The following NPHP1 variants were observed in gnomAD, a reference collection of about 807,000 sequenced individuals.
NPHP1 encodes the protein nephrocystin 1.
A neutral mutation model predicts 90.4 loss-of-function variants in NPHP1; 70 were observed. The ratio of observed to expected loss-of-function variants is 0.77; its 90% CI spans 0.64 to 0.95. The LOEUF is 0.95. Among genes scored for constraint, NPHP1 ranks in the 40% least tolerant of loss-of-function variants. NPHP1 has a pLI of 0.00. For synonymous variants in NPHP1, 256 were observed against 271.7 expected, an observed-to-expected ratio of 0.94 and a Z score of 0.57; for missense variants, 764 against 795.9, an observed-to-expected ratio of 0.96 and a Z score of 0.48.
In NPHP1 at chr2:110,196,386, C is replaced by CA. The variant is rs530839649; in HGVS notation, c.143+5034dup. Among the ~76,000 whole-genome samples, 127 of 152,120 alleles carry CA rather than the reference C, an allele frequency of 8.3e-4. 1 individual carries two copies. In the East Asian group the frequency reaches 0.014, roughly 17 times the overall value. ...TCTCAAAAGAAGACATTTATGCAGC[C>CA]AAAAAACACATGAAAAAATGCTCAT... On this transcript the variant is annotated intron_variant, in intron 2 of 19. Coordinates refer to ENST00000445609, the MANE Select transcript of NPHP1 (RefSeq NM_001128178.3).
chr2:110,176,171 C>A (rs1336963471), intron 4 of NPHP1, among the ~76,000 whole-genome samples: 2 of 152,090 alleles, frequency 1.3e-5, no homozygotes, highest in Non-Finnish European at 1.5e-5. Flanking sequence ...CTCACATCTC[C>A]GAGCTACTGA....
At chr2:110,150,513 A>G (rs1417112859) in intron 11 of NPHP1, among the ~76,000 whole-genome samples, 2 of 152,168 alleles carry the variant, frequency 1.3e-5, no homozygotes, top group East Asian at 3.9e-4. Flanking sequence ...TAGGTTTGCC[A>G]GAAAAGTAAT....
Position 110,177,484 on chromosome 2 carries a change from T to G in NPHP1, c.329+939A>C, listed in dbSNP as rs537907481. On this transcript the variant is annotated intron_variant, in intron 4 of 19. Coordinates refer to ENST00000445609, the MANE Select transcript of NPHP1 (RefSeq NM_001128178.3). ...TCCGAAATACTCCTAAATCTGAAAC[T>G]TTTGGAGCATCAAAATAACACTCCA... Among the ~76,000 whole-genome samples the G allele has an allele frequency of 7.2e-5, 11 of 152,248 alleles. No homozygotes were observed. In the South Asian group the frequency reaches 2.3e-3, roughly 32 times the overall value.
chr2:110,202,492 G>A (rs1368838185), intron 1 of NPHP1: 1 of 452,142 alleles, frequency 2.2e-6, no homozygotes, highest in Non-Finnish European at 4.5e-6. Context: ...GTGAAGACAG[G>A]GAAGAATTAG....
intron 10 of NPHP1, among the ~76,000 whole-genome samples, chr2:110,160,531 T>C (rs1005362089): frequency 6.6e-6 from 1 of 152,194 alleles, no homozygotes; most frequent in East Asian, 1.9e-4. Context: ...AAAATGTATA[T>C]GATCTATGAC....
rs1471016826 is a variant in NPHP1 at position 110,194,477 on chromosome 2, T to C, written c.143+6944A>G. Among the ~76,000 whole-genome samples, 3 of 152,116 alleles carry C rather than the reference T, an allele frequency of 2.0e-5. 1 individual carries two copies. Among genetic ancestry groups the C allele is most frequent in the South Asian group, 4.1e-4 (2 of 4,824 alleles). Reference sequence around the variant, plus strand: ...ACCAGGAAGAAGCTGAATCTCTGAATAGACCAATAACAGGCTCTGAAATTG... The same window carrying C: ...ACCAGGAAGAAGCTGAATCTCTGAACAGACCAATAACAGGCTCTGAAATTG... On this transcript the variant is annotated intron_variant, in intron 2 of 19. Coordinates refer to ENST00000445609, the MANE Select transcript of NPHP1 (RefSeq NM_001128178.3).
chr2:110,129,612 T>C (rs1290286169), intron 17 of NPHP1, among the ~76,000 whole-genome samples: 1 of 152,196 alleles, frequency 6.6e-6, no homozygotes, highest in Admixed American at 6.5e-5. Context: ...GAGGTAGCCC[T>C]GCTCTTGGGA....
chr2:110,145,727 G>C (rs1211545080), intron 14 of NPHP1, among the ~76,000 whole-genome samples: 1 of 152,080 alleles, frequency 6.6e-6, no homozygotes, highest in Admixed American at 6.5e-5. Context: ...AAATAGCTGT[G>C]ACTTCACTTT....
chr2:110,183,865 C>A (rs907477857), intron 2 of NPHP1, among the ~76,000 whole-genome samples: 1 of 152,116 alleles, frequency 6.6e-6, no homozygotes, highest in East Asian at 1.9e-4. Context: ...CTACTCATCA[C>A]CACAAGGCAC....
chr2:110,186,913 C>T (rs1684320464), intron 2 of NPHP1, among the ~76,000 whole-genome samples: 1 of 151,912 alleles, frequency 6.6e-6, no homozygotes, highest in Admixed American at 6.6e-5. Context: ...ACCACCTGTC[C>T]CTGAATGACT....
In NPHP1 at chr2:110,125,037, T is replaced by C. The variant is rs997065371; in HGVS notation, c.1761+600A>G. On this transcript the variant is annotated intron_variant, in intron 19 of 19. Transcript: ENST00000445609. Reference sequence around the variant, plus strand: ...ATAGGAAAACAGTCACATTTGGTCATTTACATATTGTCTGTGGCTGCTTTT... The same window carrying C: ...ATAGGAAAACAGTCACATTTGGTCACTTACATATTGTCTGTGGCTGCTTTT... 5 of 589,352 alleles carry C rather than the reference T, an allele frequency of 8.5e-6. No homozygotes were observed. The African/African-American group carries it at 9.5e-5, about 11-fold the overall frequency. 36.5% of individuals were successfully genotyped at this position (589,352 alleles called of 1,614,324 possible). A position where few individuals can be genotyped will look rare whatever the true frequency, so the allele number is the denominator to read the frequency against.
rs1682581675 is a variant in NPHP1 at position 110,164,586 on chromosome 2, T to A, written c.771+102A>T. 1.9e-6 allele frequency: 3 copies of A among 1,606,552 alleles called. No homozygotes were observed. The highest frequency in any genetic ancestry group is 2.6e-6 in the Non-Finnish European group (3 of 1,173,098). On this transcript the variant is annotated intron_variant, in intron 8 of 19. Coordinates refer to ENST00000445609, the MANE Select transcript of NPHP1 (RefSeq NM_001128178.3). ...TCTGTACATTCCATGCCCTGAACCC[T>A]GTTTCAGATCCATTGGTGTCTTCCA...
chr2:110,136,579 A>AG (rs1680219880), intron 16 of NPHP1, among the ~76,000 whole-genome samples: 1 of 152,022 alleles, frequency 6.6e-6, no homozygotes, highest in Non-Finnish European at 1.5e-5. Context: ...CACAATTGCT[A>AG]CAAAGAGAAT....
rs570642300 is a variant in NPHP1, at chr2:110,184,358, T to C, written c.144-4674A>G. The C allele has an allele frequency of 5.5e-5, 34 of 612,802 alleles. No individual in the cohort carries two copies. The East Asian group carries it at 8.7e-4, about 16-fold the overall frequency. The allele number at this position is 612,802 out of a possible 1,614,324, so 38.0% of individuals were successfully genotyped here. ...TCTATTCTAAGGACCAGCTGCAGACTTTCTCAGAGGAGCATCTCGTGCTCC... is the reference window on the plus strand; with the variant it reads ...TCTATTCTAAGGACCAGCTGCAGACCTTCTCAGAGGAGCATCTCGTGCTCC... On this transcript the variant is annotated intron_variant, in intron 2 of 19. Transcript: ENST00000445609.
intron 19 of NPHP1, 126 bp downstream of exon 19, chr2:110,125,511 C>G (rs1679287272): frequency 1.7e-6 from 2 of 1,169,520 alleles, no homozygotes; most frequent in South Asian, 1.2e-5. Flanking sequence ...CATAATGAAA[C>G]AGTTTCCCTG....
At chr2:110,152,431 G>T (rs1681544563) in intron 11 of NPHP1, among the ~76,000 whole-genome samples, 1 of 151,802 alleles carries the variant, frequency 6.6e-6, no homozygotes, top group Non-Finnish European at 1.5e-5. Flanking sequence ...ATATGTCAAT[G>T]GACCACAAAT....
intron 6 of NPHP1, among the ~76,000 whole-genome samples, chr2:110,167,477 C>T (rs868696217): frequency 2.6e-5 from 4 of 152,090 alleles, no homozygotes; most frequent in Non-Finnish European, 2.9e-5. Context: ...CCAGGAACTT[C>T]CAGGATGGTG....
chr2:110,192,978 G>A (rs2104677317), intron 2 of NPHP1, among the ~76,000 whole-genome samples: 1 of 152,162 alleles, frequency 6.6e-6, no homozygotes, highest in South Asian at 2.1e-4. Flanking sequence ...TCACCACCAG[G>A]CCTGCCCTAA....
At chr2:110,154,505 A>G (rs1188949787) in intron 11 of NPHP1, among the ~76,000 whole-genome samples, 1 of 152,168 alleles carries the variant, frequency 6.6e-6, no homozygotes, top group African/African-American at 2.4e-5. Flanking sequence ...AAAATGTGGG[A>G]AAGTTTGGAA....
Sources: allele counts gnomAD v4.1 joint callset (sites outside exome capture counted in the v4.1 genomes callset), GRCh38; gene constraint gnomAD v4.1.1; transcripts MANE v1.5; gene names NCBI Gene and HGNC (gene_info 2026-07-23, HGNC 2026-07-21).